Variants in INTS2 observed in about 807,000 individuals in gnomAD.
INTS2 encodes KIAA1287.
In INTS2, 57 loss-of-function variants were observed where a neutral mutation model predicts 139.6. That is an observed-to-expected ratio of 0.41 (90% CI 0.33 to 0.51). The LOEUF (loss-of-function observed/expected upper bound fraction) is 0.51, where lower values mean the gene tolerates loss of function less well. Among genes scored for constraint, INTS2 ranks in the 20% least tolerant of loss-of-function variants. The pLI is 0.28. For missense variants in INTS2, 1,196 were observed against 1,436.7 expected (o/e 0.83, Z 2.71); for synonymous variants, 473 against 493.4 (o/e 0.96, Z 0.55).
In INTS2 at chr17:61,893,047, C is replaced by T. The variant is rs1193039129; in HGVS notation, c.1698+718G>A. Reference sequence around the variant, plus strand: ...CTGTGGCAGGAGGACTGCTTGAGCCCAGGAGTTTGAGGTTACAGTGAGCTA... The same window carrying T: ...CTGTGGCAGGAGGACTGCTTGAGCCTAGGAGTTTGAGGTTACAGTGAGCTA... On this transcript the variant is annotated intron_variant, in intron 13 of 24. Transcript: ENST00000251334. This position sits in a 1 kb window ranked among gnomAD's most constrained non-coding sequence, Gnocchi z 5.4. Among the ~76,000 whole-genome samples the T allele has an allele frequency of 1.3e-5, 2 of 150,214 alleles. No individual in the cohort carries two copies. Among genetic ancestry groups the T allele is most frequent in the Non-Finnish European group, 2.9e-5 (2 of 67,802 alleles).
chr17:61,887,164 T>C (rs1011386962), intron 15 of INTS2, among the ~76,000 whole-genome samples: 1 of 152,168 alleles, frequency 6.6e-6, no homozygotes, highest in East Asian at 1.9e-4. Flanking sequence ...AGAATTGTTA[T>C]GAGGGTTTAC....
At chr17:61,900,075 A>G (rs975435049) in intron 9 of INTS2, among the ~76,000 whole-genome samples, 4 of 152,248 alleles carry the variant, frequency 2.6e-5, no homozygotes, top group Admixed American at 1.3e-4. Context: ...GCATAAACGC[A>G]TAAGATATTG....
Position 61,893,708 on chromosome 17 carries a change from T to A in INTS2, c.1698+57A>T, listed in dbSNP as rs746789112. 622 of 1,291,922 alleles carry A rather than the reference T, an allele frequency of 4.8e-4. 1 individual carries two copies. The highest frequency in any genetic ancestry group is 5.8e-4 in the Non-Finnish European group (568 of 987,512). The allele number at this position is 1,291,922 out of a possible 1,614,324, so 80.0% of individuals were successfully genotyped here. ...AGACTCCATCTCAAAAGAAAAAAAA[T>A]ATATATATAAAAATGTAGGGGCATG... On this transcript the variant is annotated intron_variant, in intron 13 of 24. Coordinates refer to ENST00000251334, the MANE Select transcript of INTS2 (RefSeq NM_001351695.2). The surrounding 1 kb of genome is among the most constrained non-coding windows in gnomAD (Gnocchi z 5.4).
At chr17:61,901,463 TAG>T (rs1404637609) in intron 9 of INTS2, among the ~76,000 whole-genome samples, 3 of 147,254 alleles carry the variant, frequency 2.0e-5, no homozygotes, top group African/African-American at 7.6e-5. Context: ...AATGAACCAA[TAG>T]ACACTACAAA....
At chr17:61,880,740 A>G (rs2079170255) in intron 17 of INTS2, among the ~76,000 whole-genome samples, 1 of 149,414 alleles carries the variant, frequency 6.7e-6, no homozygotes, top group Non-Finnish European at 1.5e-5. Context: ...TGACAGAGAG[A>G]AAGACACACA....
intron 3 of INTS2, among the ~76,000 whole-genome samples, chr17:61,922,125 C>G (rs1471216200): frequency 6.6e-6 from 1 of 152,112 alleles, no homozygotes; most frequent in Non-Finnish European, 1.5e-5. Context: ...ATGCAGCCTA[C>G]ATAAACTGCT....
chr17:61,909,779 TTGTG>T lies in INTS2; in HGVS notation c.954+1737_954+1740del, dbSNP rs1035970358. Among the ~76,000 whole-genome samples the T allele has an allele frequency of 1.6e-4, 23 of 142,044 alleles. No individual in the cohort carries two copies. Among genetic ancestry groups the T allele is most frequent in the Non-Finnish European group, 3.4e-4 (22 of 64,668 alleles). 93.2% of individuals were successfully genotyped at this position (142,044 alleles called of 152,430 possible). A position where few individuals can be genotyped will look rare whatever the true frequency, so the allele number is the denominator to read the frequency against. On this transcript the variant is annotated intron_variant, in intron 7 of 24. Transcript: ENST00000251334. This position sits in a 1 kb window ranked among gnomAD's most constrained non-coding sequence, Gnocchi z 4.9. ...GAGTTGTATTCCATGGTGTGTGTGT[TTGTG>T]TGTGTGTATACATATATACGTGTGT...
chr17:61,912,383 G>A (rs1324531902), intron 5 of INTS2, among the ~76,000 whole-genome samples: 1 of 117,460 alleles, frequency 8.5e-6, no homozygotes, highest in Non-Finnish European at 1.8e-5. Context: ...CGGGGGGGGG[G>A]GGGGTGCGGG....
chr17:61,889,541 T>C (rs1290187417), intron 15 of INTS2, among the ~76,000 whole-genome samples: 1 of 152,206 alleles, frequency 6.6e-6, no homozygotes, highest in African/African-American at 2.4e-5. Context: ...ATTGTTAAAA[T>C]ACAGGCAATT....
intron 9 of INTS2, among the ~76,000 whole-genome samples, chr17:61,903,220 A>AT (rs61007688): frequency 0.15 from 21,710 of 140,996 alleles, 2,099 homozygotes; most frequent in East Asian, 0.53. Context: ...TTTCTTTTTA[A>AT]TTTTTTTTTT....
chr17:61,904,075 CTTAT>C (rs1184721483), intron 9 of INTS2, among the ~76,000 whole-genome samples: 1 of 152,144 alleles, frequency 6.6e-6, no homozygotes, highest in African/African-American at 2.4e-5. Flanking sequence ...ACTATTTCGA[CTTAT>C]TTAAACAATG....
Position 61,879,457 on chromosome 17 carries a change from A to G in INTS2, c.2255-1369T>C, listed in dbSNP as rs149709407. ...TAACTAGTCCAAATTGAGGTGTGTT[A>G]TAAGTGTAAAATACACAACAGATTG... On this transcript the variant is annotated intron_variant, in intron 17 of 24. Coordinates refer to ENST00000251334, the MANE Select transcript of INTS2 (RefSeq NM_001351695.2). 3.9e-3 allele frequency among the ~76,000 whole-genome samples: 594 copies of G among 152,352 alleles called. 5 individuals are homozygous for G. The highest frequency in any genetic ancestry group is 5.2e-3 in the Non-Finnish European group (354 of 68,036).
rs1450692785 is a variant in INTS2, at chr17:61,875,104, CCTTT to C, written c.2457-70_2457-67del. On this transcript the variant is annotated intron_variant, in intron 18 of 24. Coordinates refer to ENST00000251334, the MANE Select transcript of INTS2 (RefSeq NM_001351695.2). The surrounding 1 kb of genome is among the most constrained non-coding windows in gnomAD (Gnocchi z 4.6). The stretch of plus-strand genomic sequence containing the variant: ...ATATTAAAATCTGTAGCCATCCAGT[CCTTT>C]CTATCTTAGAAAGTTATATTCAGTA... 13 of 1,173,972 alleles carry C rather than the reference CCTTT, an allele frequency of 1.1e-5. No individual in the cohort carries two copies. The highest frequency in any genetic ancestry group is 3.2e-5 in the Admixed American group (1 of 30,814). The allele number at this position is 1,173,972 out of a possible 1,614,324, so 72.7% of individuals were successfully genotyped here.
At chr17:61,913,463 C>T (rs574347165) in intron 5 of INTS2, among the ~76,000 whole-genome samples, 3 of 151,168 alleles carry the variant, frequency 2.0e-5, no homozygotes, top group Admixed American at 6.6e-5. Context: ...AAGAGAATGA[C>T]ATCTTTGTTC....
chr17:61,922,548 G>GTATATATATATATATATA (rs1491297129), intron 3 of INTS2, among the ~76,000 whole-genome samples: 3 of 81,088 alleles, frequency 3.7e-5, no homozygotes, highest in Non-Finnish European at 9.1e-5. Context: ...ATATATATAC[G>GTATATATATATATATATA]TGTTCAATTC....
chr17:61,870,079 AAAT>A lies in INTS2; in HGVS notation c.2779-94_2779-92del, dbSNP rs2079077213. The A allele has an allele frequency of 8.2e-7, 1 of 1,225,764 alleles. No homozygotes were observed. The highest frequency in any genetic ancestry group is 2.5e-5 in the East Asian group (1 of 39,632). 75.9% of individuals were successfully genotyped at this position (1,225,764 alleles called of 1,614,324 possible). Reference sequence around the variant, plus strand: ...TATTTTCACATGAACAGATATGATAAAATAACTAATTTCTTAAACACACATACA... The same window carrying A: ...TATTTTCACATGAACAGATATGATAAAACTAATTTCTTAAACACACATACA... On this transcript the variant is annotated intron_variant, in intron 20 of 24. Coordinates refer to ENST00000251334, the MANE Select transcript of INTS2 (RefSeq NM_001351695.2). The surrounding 1 kb of genome is among the most constrained non-coding windows in gnomAD (Gnocchi z 4.4).
intron 17 of INTS2, among the ~76,000 whole-genome samples, 198 bp downstream of exon 17, chr17:61,880,801 AGGGGAAAG>A (rs1178667516): frequency 8.2e-6 from 1 of 122,048 alleles, no homozygotes. Context: ...AAGGAGTAAA[AGGGGAAAG>A]GGGGAAAGGA....
chr17:61,884,582 G>C (rs773844525), intron 16 of INTS2, among the ~76,000 whole-genome samples: 5 of 151,726 alleles, frequency 3.3e-5, no homozygotes, highest in Non-Finnish European at 5.9e-5. Context: ...TCTGTTAAGT[G>C]TCTGTTAGGT....
At position 61,907,445 on chromosome 17, in the gene INTS2, G is replaced by C. The variant is rs763370915; in HGVS notation, c.1144C>G (p.Arg382Gly). The stretch of plus-strand genomic sequence containing the variant: ...ATCCCCATCAAAGCACAGTACAGAC[G>C]TAAGAGTGCACTGGCTTTCACAACA... The part of the protein sequence containing the change: ...EHVVKASALL[R>G]LYCALMGIAG... The change falls in exon 8 of 25, where the codon CGT becomes GGT. Residue 382 changes from arginine (R) to glycine (G), a missense_variant. Arg to Gly is a moderately radical substitution (Grantham distance 125). Transcript: ENST00000251334. 2 of 1,598,342 alleles carry C rather than the reference G, an allele frequency of 1.3e-6. No homozygotes were observed. The highest frequency in any genetic ancestry group is 1.3e-5 in the African/African-American group (1 of 74,696).
Sources: allele counts gnomAD v4.1 joint callset (sites outside exome capture counted in the v4.1 genomes callset), GRCh38; gene constraint gnomAD v4.1.1; non-coding constraint Gnocchi (gnomAD v3.1); transcripts MANE v1.5; gene names NCBI Gene and HGNC (gene_info 2026-07-23, HGNC 2026-07-21).